OTOG: variants seen among roughly 807,000 people sequenced by gnomAD.
OTOG encodes otogelin.
A neutral mutation model predicts 313.8 loss-of-function variants in OTOG; 296 were observed. That is an observed-to-expected ratio of 0.94 (90% CI 0.86 to 1.04). OTOG has a LOEUF of 1.04. Among genes scored for constraint, OTOG ranks in the 50% least tolerant of loss-of-function variants. The pLI is 0.00. For synonymous variants in OTOG, 1,533 were observed against 1,554.9 expected (o/e 0.99, Z 0.33); for missense variants, 3,948 against 3,840.1 (o/e 1.03, Z -0.74).
chr11:17,595,045 T>C (rs955465840), intron 28 of OTOG, among the ~76,000 whole-genome samples: 1 of 152,212 alleles, frequency 6.6e-6, no homozygotes, highest in African/African-American at 2.4e-5. Flanking sequence ...CTGGACTTAG[T>C]GATCTTAATG....
intron 39 of OTOG, among the ~76,000 whole-genome samples, chr11:17,616,791 T>A (rs562517143): frequency 1.3e-4 from 20 of 152,378 alleles, no homozygotes; most frequent in African/African-American, 4.8e-4. Context: ...TAGACAATTA[T>A]GTCTTCTCCA....
intron 40 of OTOG, among the ~76,000 whole-genome samples, chr11:17,631,378 C>CTCTCTCTCTCTCTG (rs375572156): frequency 1.1e-4 from 14 of 128,866 alleles, no homozygotes; most frequent in African/African-American, 5.1e-4. Flanking sequence ...CTCTCTCTCT[C>CTCTCTCTCTCTCTG]TGTGTGTGTG....
chr11:17,555,782 C>T lies in OTOG; in HGVS notation c.544C>T (p.His182Tyr). ...PEGQSFSIQV[H>Y]NDPQCGSSPY... is the part of the protein sequence containing the mutation. ...AGCCTCTGAACTCCCTACTCAGGTACACAATGACCCGCAGTGTGGCTCTTC... is the reference window on the plus strand; with the variant it reads ...AGCCTCTGAACTCCCTACTCAGGTATACAATGACCCGCAGTGTGGCTCTTC... The change falls in exon 7 of 56, where the codon CAC becomes TAC. Residue 182 changes from histidine to tyrosine, a missense_variant. Transcript: ENST00000399397. The T allele has an allele frequency of 4.5e-6, 7 of 1,550,196 alleles. No homozygotes were observed. The highest frequency in any genetic ancestry group is 6.1e-6 in the Non-Finnish European group (7 of 1,146,920).
In OTOG at chr11:17,572,195, C is replaced by G; in HGVS notation, c.2071C>G (p.Leu691Val). The G allele has an allele frequency of 6.5e-7, 1 of 1,550,372 alleles. No homozygotes were observed. Among genetic ancestry groups the G allele is most frequent in the Non-Finnish European group, 8.7e-7 (1 of 1,146,868 alleles). ...CCCTCTGGACCCCTGCGATGTGCAC[C>G]TGCAAGCCGGTGAGTTGGTGGGGGA... ...GSPLDPCDVH[L>V]QAASYSVQAC... Residue 691 changes from leucine (L) to valine (V), a missense_variant, in exon 18 of 56, where the codon CTG (leucine) becomes GTG (valine). By Grantham distance (32) the Leu-to-Val change is conservative. Coordinates refer to ENST00000399397, the MANE Select transcript of OTOG (RefSeq NM_001292063.2).
rs555201577 is a variant in OTOG at position 17,642,314 on chromosome 11, G to A, written c.8415+68G>A. On this transcript the variant is annotated intron_variant, in intron 53 of 55. Transcript: ENST00000399397. ...CAGCTGTCTCACTGGTGGTGGGGTG[G>A]AGGTCCTGTGTGCAGGAGTGCAGGA... 1,700 of 1,496,020 alleles carry A rather than the reference G, an allele frequency of 1.1e-3. 29 individuals carry two copies. The South Asian group carries it at 0.02, about 18-fold the overall frequency. The allele number at this position is 1,496,020 out of a possible 1,614,324, so 92.7% of individuals were successfully genotyped here. A position where few individuals can be genotyped will look rare whatever the true frequency, so the allele number is the denominator to read the frequency against.
chr11:17,589,554 C>G (rs914372919), intron 24 of OTOG, among the ~76,000 whole-genome samples: 3 of 152,196 alleles, frequency 2.0e-5, no homozygotes, highest in African/African-American at 7.2e-5. Context: ...ATCTCTCCCT[C>G]TTTTCTCCCA....
At chr11:17,589,734 C>T (rs1239594709) in intron 24 of OTOG, among the ~76,000 whole-genome samples, 1 of 152,176 alleles carries the variant, frequency 6.6e-6, no homozygotes, top group Non-Finnish European at 1.5e-5. Context: ...TCTCCCGTTC[C>T]CCTTTAAGCC....
rs995727074 is a variant in OTOG at position 17,639,453 on chromosome 11, G to A, written c.7925G>A (p.Arg2642Gln). Reference protein sequence around the residue: ...ECDCDTIPVPRCHLWEKSQLD... With the variant: ...ECDCDTIPVPQCHLWEKSQLD... ...GACTGTGACACAATCCCGGTGCCCC[G>A]GTGCCATCTGGTATGGAGACGCTCC... Residue 2642 changes from arginine (R) to glutamine (Q), a missense_variant, in exon 49 of 56, where the codon CGG (arginine) becomes CAG (glutamine). Coordinates refer to ENST00000399397, the MANE Select transcript of OTOG (RefSeq NM_001292063.2). 41 of 1,550,654 alleles carry A rather than the reference G, an allele frequency of 2.6e-5. No individual in the cohort carries two copies. The highest frequency in any genetic ancestry group is 7.8e-5 in the Admixed American group (4 of 50,996).
intron 28 of OTOG, 37 bp downstream of exon 28, chr11:17,594,203 C>A (rs1271523343): frequency 6.5e-7 from 1 of 1,550,294 alleles, no homozygotes; most frequent in Non-Finnish European, 8.7e-7. Flanking sequence ...ATGCCCCTCA[C>A]TCAGATGGGC....
chr11:17,602,324 C>T lies in OTOG; in HGVS notation c.3824C>T (p.Ala1275Val), dbSNP rs1391777424. 6.4e-7 allele frequency: 1 copy of T among 1,550,582 alleles called. No homozygotes were observed. Among genetic ancestry groups the T allele is most frequent in the Non-Finnish European group, 8.7e-7 (1 of 1,146,962 alleles). The stretch of plus-strand genomic sequence containing the variant: ...GTGAGGACAGAGGATGTGGCGCCAG[C>T]AGACATTGTGAGCTTCCTGCTGACA... ...VLVRTEDVAP[A>V]DIVSFLLTAA... The change falls in exon 32 of 56, where the codon GCA becomes GTA. Residue 1275 changes from alanine (A) to valine (V), a missense_variant. Coordinates refer to ENST00000399397, the MANE Select transcript of OTOG (RefSeq NM_001292063.2).
chr11:17,607,325 C>T (rs1489903546), intron 33 of OTOG, among the ~76,000 whole-genome samples: 1 of 152,240 alleles, frequency 6.6e-6, no homozygotes, highest in African/African-American at 2.4e-5. Flanking sequence ...CCTCCCTGTT[C>T]AGGCTGTGTG....
Position 17,609,676 on chromosome 11 carries a change from T to C in OTOG, c.4376T>C (p.Val1459Ala). Residue 1459 changes from valine (V) to alanine (A), a missense_variant, in exon 36 of 56, where the codon GTT becomes GCT. Transcript: ENST00000399397. ...GCAGGTGTGGAGCCAGCAGTTTGGGTTCCCACAGAGGCCCTTGGCAATGAG... is the reference window on the plus strand; with the variant it reads ...GCAGGTGTGGAGCCAGCAGTTTGGGCTCCCACAGAGGCCCTTGGCAATGAG... Reference protein sequence around the residue: ...LEDCVEPAVWVPTEALGNETL... With the variant: ...LEDCVEPAVWAPTEALGNETL... The C allele has an allele frequency of 2.0e-6, 3 of 1,498,194 alleles. No individual in the cohort carries two copies. The highest frequency in any genetic ancestry group is 2.7e-6 in the Non-Finnish European group (3 of 1,120,796). 92.8% of individuals were successfully genotyped at this position (1,498,194 alleles called of 1,614,324 possible).
At position 17,611,230 on chromosome 11, in the gene OTOG, A is replaced by G; in HGVS notation, c.5930A>G (p.Asp1977Gly). The change falls in exon 36 of 56, where the codon GAC becomes GGC. Residue 1977 changes from aspartate (D) to glycine (G), a missense_variant. Transcript: ENST00000399397. ...SRVSARTAPQDSMLVLLPQLA... is the reference protein window; with the variant it reads ...SRVSARTAPQGSMLVLLPQLA... ...GTCTCAGCCAGGACGGCCCCCCAAGACAGCATGCTGGTTCTGTTGCCTCAG... is the reference window on the plus strand; with the variant it reads ...GTCTCAGCCAGGACGGCCCCCCAAGGCAGCATGCTGGTTCTGTTGCCTCAG... The G allele has an allele frequency of 6.4e-7, 1 of 1,550,398 alleles. No homozygotes were observed. Among genetic ancestry groups the G allele is most frequent in the Non-Finnish European group, 8.7e-7 (1 of 1,146,948 alleles).
At chr11:17,629,640 C>G (rs1854068022) in intron 40 of OTOG, among the ~76,000 whole-genome samples, 2 of 152,170 alleles carry the variant, frequency 1.3e-5, no homozygotes, top group African/African-American at 4.8e-5. Context: ...CACAGTCTAT[C>G]TCACTTATTC....
chr11:17,618,811 C>G (rs560133524), intron 39 of OTOG, among the ~76,000 whole-genome samples: 1 of 152,216 alleles, frequency 6.6e-6, no homozygotes, highest in South Asian at 2.1e-4. Flanking sequence ...GCCATTTTAT[C>G]CTGGTAAAAC....
At chr11:17,644,290 C>G (rs1479221453) in intron 54 of OTOG, among the ~76,000 whole-genome samples, 1 of 152,268 alleles carries the variant, frequency 6.6e-6, no homozygotes, top group Non-Finnish European at 1.5e-5. Flanking sequence ...CAGGACAGCC[C>G]TTAGTTCTCC....
chr11:17,612,617 C>A lies in OTOG; in HGVS notation c.6293-3C>A, dbSNP rs201371081. 6.5e-6 allele frequency: 10 copies of A among 1,549,488 alleles called. No individual in the cohort carries two copies. The highest frequency in any genetic ancestry group is 4.9e-5 in the East Asian group (2 of 40,922). On this transcript the variant is annotated splice_region_variant and splice_polypyrimidine_tract_variant and intron_variant, in intron 37 of 55. Transcript: ENST00000399397. ...TTCTTCTTGTGCCCTGCCCCTCCCC[C>A]AGGCCGGTGCTCAATCTTCCCTGAC...
At chr11:17,598,460 T>C (rs758094350) in intron 30 of OTOG, among the ~76,000 whole-genome samples, 1 of 152,216 alleles carries the variant, frequency 6.6e-6, no homozygotes, top group Non-Finnish European at 1.5e-5. Flanking sequence ...GTTTTAAAAA[T>C]ATTGCATTAA....
chr11:17,551,110 T>C (rs1851921189), intron 3 of OTOG, among the ~76,000 whole-genome samples: 1 of 152,242 alleles, frequency 6.6e-6, no homozygotes, highest in Non-Finnish European at 1.5e-5. Context: ...GGGCAGGGAC[T>C]CTGCCCTGTT....
Sources: allele counts gnomAD v4.1 joint callset (sites outside exome capture counted in the v4.1 genomes callset), GRCh38; gene constraint gnomAD v4.1.1; transcripts MANE v1.5; gene names NCBI Gene and HGNC (gene_info 2026-07-23, HGNC 2026-07-21).